AVEN: variants seen among roughly 807,000 people sequenced by gnomAD.
The protein encoded by AVEN is cell death regulator Aven.
AVEN carries 41 observed loss-of-function variants against 38.1 expected under a neutral mutation model. The ratio of observed to expected loss-of-function variants is 1.08; its 90% CI spans 0.84 to 1.40. The LOEUF is 1.40. Ranked by LOEUF, AVEN falls within the 40% of genes most tolerant of loss-of-function variation. AVEN has a pLI of 0.00. For synonymous variants in AVEN, 206 were observed against 171.8 expected (o/e 1.20, Z -1.56); for missense variants, 605 against 438.8 (o/e 1.38, Z -3.38).
intron 2 of AVEN, among the ~76,000 whole-genome samples, chr15:33,911,031 A>C (rs1399862238): frequency 6.6e-6 from 1 of 152,242 alleles, no homozygotes; most frequent in African/African-American, 2.4e-5. Context: ...AAGCTAAAAC[A>C]GTGAGGACAG....
At chr15:33,866,829 T>A in intron 5 of AVEN, 101 bp from the exon 6 acceptor site, 1 of 789,926 alleles carries the variant, frequency 1.3e-6, no homozygotes, top group Non-Finnish European at 2.1e-6. Context: ...GGGGAAACAT[T>A]CTCATTATTC....
At chr15:33,933,518 CACACACAGAGAGAGAGAG>C (rs1454637114) in intron 2 of AVEN, among the ~76,000 whole-genome samples, 162 of 114,786 alleles carry the variant, frequency 1.4e-3, no homozygotes, top group South Asian at 3.2e-3. Context: ...CACACACACA[CACACACAGAGAGAGAGAG>C]AGAGAGAGAG....
intron 5 of AVEN, among the ~76,000 whole-genome samples, chr15:34,053,818 A>G (rs1900031532): frequency 6.6e-6 from 1 of 152,202 alleles, no homozygotes; most frequent in African/African-American, 2.4e-5. Context: ...CAAAGCAAAA[A>G]TTGACAAATA....
chr15:33,884,817 T>A (rs568337246), intron 2 of AVEN, among the ~76,000 whole-genome samples: 1 of 152,316 alleles, frequency 6.6e-6, no homozygotes, highest in South Asian at 2.1e-4. Context: ...ATCAGGCATA[T>A]GTGAAGAGTG....
chr15:34,039,494 G>T (rs77194636), upstream of AVEN, among the ~76,000 whole-genome samples: 1,586 of 152,314 alleles, frequency 0.01, 38 homozygotes, highest in African/African-American at 0.037. Context: ...TAACTGCTGA[G>T]ATTTGAAGTG....
intron 5 of AVEN, among the ~76,000 whole-genome samples, chr15:34,052,699 C>A (rs2576307): frequency 0.15 from 23,076 of 152,050 alleles, 2,059 homozygotes; most frequent in South Asian, 0.27. Context: ...TATACATCAA[C>A]AACAGGAAAG....
intron 2 of AVEN, among the ~76,000 whole-genome samples, chr15:33,896,337 T>C (rs1892231981): frequency 6.6e-6 from 1 of 152,200 alleles, no homozygotes; most frequent in Admixed American, 6.5e-5. Context: ...CTTGTTAGCA[T>C]AGCTTACATC....
intron 2 of AVEN, among the ~76,000 whole-genome samples, chr15:33,888,836 C>T (rs1343765484): frequency 2.6e-5 from 4 of 152,028 alleles, no homozygotes; most frequent in Non-Finnish European, 2.9e-5. Flanking sequence ...CTACAACCTC[C>T]GACTCCCTGG....
chr15:34,012,969 T>C (rs1897697999), intron 1 of AVEN, among the ~76,000 whole-genome samples: 1 of 152,216 alleles, frequency 6.6e-6, no homozygotes, highest in Non-Finnish European at 1.5e-5. Context: ...ATTTCCTAAA[T>C]TCCCCACCAG....
At chr15:34,039,205 G>A (rs1899345797), upstream of AVEN, 2 of 565,600 alleles carry the variant, frequency 3.5e-6, no homozygotes, top group Non-Finnish European at 4.6e-6. Flanking sequence ...CGGCCGCAGC[G>A]GAGCGGGGCG....
At chr15:33,929,185 G>A (rs1397627714) in intron 2 of AVEN, among the ~76,000 whole-genome samples, 14 of 152,112 alleles carry the variant, frequency 9.2e-5, no homozygotes, top group Non-Finnish European at 2.9e-5. Flanking sequence ...TAAAATGTAC[G>A]TGTTTTATCA....
intron 1 of AVEN, among the ~76,000 whole-genome samples, chr15:34,072,766 C>T (rs1254789551): frequency 1.3e-5 from 2 of 150,568 alleles, no homozygotes; most frequent in African/African-American, 4.9e-5. Context: ...ATTCTCCTGC[C>T]TCAGCCTCCC....
intron 3 of AVEN, among the ~76,000 whole-genome samples, chr15:33,874,641 C>T (rs1172905813): frequency 6.6e-6 from 1 of 152,218 alleles, no homozygotes; most frequent in Non-Finnish European, 1.5e-5. Context: ...TGAGCATCTA[C>T]CATACTACAG....
At chr15:34,071,924 T>C (rs1296710356) in intron 1 of AVEN, among the ~76,000 whole-genome samples, 1 of 152,166 alleles carries the variant, frequency 6.6e-6, no homozygotes. Flanking sequence ...TAGACTAGGT[T>C]ATCTTTTATA....
chr15:33,947,422 G>T (rs1894549208), intron 2 of AVEN, among the ~76,000 whole-genome samples: 1 of 152,150 alleles, frequency 6.6e-6, no homozygotes, highest in Admixed American at 6.5e-5. Context: ...AAAAAGATAA[G>T]CAAAATAGAA....
At chr15:33,857,943 C>G (rs747179987), downstream of AVEN, 2 of 1,610,158 alleles carry the variant, frequency 1.2e-6, no homozygotes, top group Non-Finnish European at 1.7e-6. Flanking sequence ...CGGGGCCAGC[C>G]CACCCACTGC....
rs78634737 is a variant in AVEN, at chr15:33,871,118, G to C, written c.517-88C>G. The C allele has an allele frequency of 0.021, 17,750 of 856,008 alleles. 1,562 individuals are homozygous for C. The East Asian group carries it at 0.3, about 15-fold the overall frequency. The allele number at this position is 856,008 out of a possible 1,614,324, so 53.0% of individuals were successfully genotyped here. A position where few individuals can be genotyped will look rare whatever the true frequency, so the allele number is the denominator to read the frequency against. ...AGAAGAAACTGTAAATAATCCACTG[G>C]AGTTACATTTGGCTAGGAATAAGTC... On this transcript the variant is annotated intron_variant, in intron 3 of 5. Transcript: ENST00000306730.
intron 2 of AVEN, among the ~76,000 whole-genome samples, chr15:33,980,417 T>A (rs1036825219): frequency 6.6e-6 from 1 of 152,224 alleles, no homozygotes; most frequent in African/African-American, 2.4e-5. Context: ...AAGGCTGTTA[T>A]AGTACCGTCC....
At chr15:33,986,692 T>A (rs1266320996) in intron 2 of AVEN, among the ~76,000 whole-genome samples, 1 of 152,130 alleles carries the variant, frequency 6.6e-6, no homozygotes, top group Non-Finnish European at 1.5e-5. Context: ...AGTCTCACTC[T>A]GTCACCTAGG....
Sources: allele counts gnomAD v4.1 joint callset (sites outside exome capture counted in the v4.1 genomes callset), GRCh38; gene constraint gnomAD v4.1.1; transcripts MANE v1.5; gene names NCBI Gene and HGNC (gene_info 2026-07-23, HGNC 2026-07-21).